RASSF9: variants seen among roughly 807,000 people sequenced by gnomAD.
RASSF9 encodes the protein Ras association domain family member 9.
Under a neutral mutation model 21.4 loss-of-function variants are expected in RASSF9, and 18 were observed. The ratio of observed to expected loss-of-function variants is 0.84; its 90% CI spans 0.58 to 1.25. RASSF9 has a LOEUF of 1.25. Among genes scored for constraint, RASSF9 ranks in the 50% most tolerant of loss-of-function variants. The pLI is 0.00. For missense variants in RASSF9, 480 were observed against 503.2 expected (o/e 0.95, Z 0.44); for synonymous variants, 183 against 179.1 (o/e 1.02, Z -0.18).
rs377164095 is a variant in RASSF9, at chr12:85,801,573, G to A, written c.*3129C>T. 1.7e-4 allele frequency: 26 copies of A among 152,464 alleles called. No individual in the cohort carries two copies. The highest frequency in any genetic ancestry group is 6.3e-4 in the African/African-American group (26 of 41,584). 9.4% of individuals were successfully genotyped at this position (152,464 alleles called of 1,614,324 possible). A position where few individuals can be genotyped will look rare whatever the true frequency, so the allele number is the denominator to read the frequency against. On this transcript the variant is annotated 3_prime_UTR_variant, in exon 2 of 2. Coordinates refer to ENST00000361228, the MANE Select transcript of RASSF9 (RefSeq NM_005447.4). ...CACGCCTGTAATCCCAGCACTTTGGGAGGCCAAGACGGGTGGATCACAAGG... is the reference window on the plus strand; with the variant it reads ...CACGCCTGTAATCCCAGCACTTTGGAAGGCCAAGACGGGTGGATCACAAGG...
rs114011685 is a variant in RASSF9 at position 85,809,317 on chromosome 12, T to C, written c.48-3355A>G. 3.8e-3 allele frequency among the ~76,000 whole-genome samples: 572 copies of C among 152,278 alleles called. 2 individuals are homozygous for C. Among genetic ancestry groups the C allele is most frequent in the African/African-American group, 0.013 (550 of 41,576 alleles). ...AGCAAGAACTTAAATTAGTCTTTGA[T>C]ACCAATGGAATGAACCACAGTGCCC... On this transcript the variant is annotated intron_variant, in intron 1 of 1. Transcript: ENST00000361228.
chr12:85,825,943 C>G lies in RASSF9; in HGVS notation c.47+10212G>C, dbSNP rs568532812. Among the ~76,000 whole-genome samples, 7 of 152,228 alleles carry G rather than the reference C, an allele frequency of 4.6e-5. No individual in the cohort carries two copies. The South Asian group carries it at 1.5e-3, about 32-fold the overall frequency. ...TGTGATTAATATAAGATTAGTCAGC[C>G]TGACAGCCCTGACTGGGAAACCAGT... is the stretch of plus-strand genomic sequence containing the variant. On this transcript the variant is annotated intron_variant, in intron 1 of 1. Coordinates refer to ENST00000361228, the MANE Select transcript of RASSF9 (RefSeq NM_005447.4).
intron 1 of RASSF9, among the ~76,000 whole-genome samples, chr12:85,824,999 C>CATTT (rs568305097): frequency 9.9e-5 from 15 of 152,004 alleles, no homozygotes; most frequent in East Asian, 3.9e-4. Flanking sequence ...AATGTGTGCT[C>CATTT]ATTTATTTAT....
Position 85,801,828 on chromosome 12 carries a change from A to T in RASSF9, c.*2874T>A, listed in dbSNP as rs1331741922. The T allele has an allele frequency of 6.6e-6, 1 of 152,122 alleles. No individual in the cohort carries two copies. The highest frequency in any genetic ancestry group is 1.9e-4 in the East Asian group (1 of 5,192). 9.4% of individuals were successfully genotyped at this position (152,122 alleles called of 1,614,324 possible). Reference sequence around the variant, plus strand: ...AGACTCCGTCTCAAGGAAAAAAAAAATAGAATTCATTGAAGGAGGGGAATT... The same window carrying T: ...AGACTCCGTCTCAAGGAAAAAAAAATTAGAATTCATTGAAGGAGGGGAATT... On this transcript the variant is annotated 3_prime_UTR_variant, in exon 2 of 2. Coordinates refer to ENST00000361228, the MANE Select transcript of RASSF9 (RefSeq NM_005447.4).
intron 1 of RASSF9, among the ~76,000 whole-genome samples, chr12:85,822,982 C>T (rs559147173): frequency 1.3e-5 from 2 of 152,188 alleles, no homozygotes; most frequent in South Asian, 4.2e-4. Flanking sequence ...GGGCGGATCA[C>T]GAGGTCAGGA....
chr12:85,826,378 T>C (rs892556095), intron 1 of RASSF9, among the ~76,000 whole-genome samples: 1 of 152,154 alleles, frequency 6.6e-6, no homozygotes, highest in Non-Finnish European at 1.5e-5. Context: ...TTCTTCTCTT[T>C]CTATTTAAGA....
chr12:85,809,791 G>A (rs1308496164), intron 1 of RASSF9, among the ~76,000 whole-genome samples: 2 of 151,732 alleles, frequency 1.3e-5, no homozygotes, highest in African/African-American at 4.8e-5. Flanking sequence ...TCAAATTCTT[G>A]TGTATTGTGG....
rs557732288 is a variant in RASSF9 at position 85,819,535 on chromosome 12, A to G, written c.48-13573T>C. Among the ~76,000 whole-genome samples, 5 of 152,326 alleles carry G rather than the reference A, an allele frequency of 3.3e-5. No individual in the cohort carries two copies. The East Asian group carries it at 7.7e-4, about 23-fold the overall frequency. The stretch of plus-strand genomic sequence containing the variant: ...ATGCTCTAAGTGCTTTACATGTTCA[A>G]ACCTATTTAATCCAAACCAATGAGG... On this transcript the variant is annotated intron_variant, in intron 1 of 1. Coordinates refer to ENST00000361228, the MANE Select transcript of RASSF9 (RefSeq NM_005447.4).
chr12:85,815,184 A>AG (rs1880034120), intron 1 of RASSF9, among the ~76,000 whole-genome samples: 1 of 151,906 alleles, frequency 6.6e-6, no homozygotes, highest in Admixed American at 6.6e-5. Flanking sequence ...AGAAAAAAAA[A>AG]CCAAAAACCT....
intron 1 of RASSF9, among the ~76,000 whole-genome samples, chr12:85,827,867 CAT>C (rs1880365615): frequency 6.6e-6 from 1 of 152,178 alleles, no homozygotes; most frequent in African/African-American, 2.4e-5. Flanking sequence ...GTCTAATTCA[CAT>C]ATTGTTTTTG....
intron 1 of RASSF9, among the ~76,000 whole-genome samples, chr12:85,807,628 T>G (rs1490315523): frequency 6.6e-6 from 1 of 151,564 alleles, no homozygotes; most frequent in East Asian, 1.9e-4. Flanking sequence ...GACAGATAGA[T>G]CCCCCCTACC....
chr12:85,818,345 G>A (rs1157280127), intron 1 of RASSF9, among the ~76,000 whole-genome samples: 1 of 152,196 alleles, frequency 6.6e-6, no homozygotes, highest in Non-Finnish European at 1.5e-5. Flanking sequence ...CAGCTAATAA[G>A]TGGAGTAAAA....
chr12:85,802,783 A>C lies in RASSF9; in HGVS notation c.*1919T>G, dbSNP rs376353321. The stretch of plus-strand genomic sequence containing the variant: ...TGATCTTCTGAATTTGATCCCCATT[A>C]GTGAACAATGAATATGTCAGTGGCT... On this transcript the variant is annotated 3_prime_UTR_variant, in exon 2 of 2. Transcript: ENST00000361228. 75 of 152,318 alleles carry C rather than the reference A, an allele frequency of 4.9e-4. No individual in the cohort carries two copies. The highest frequency in any genetic ancestry group is 1.7e-3 in the African/African-American group (69 of 41,582). The allele number at this position is 152,318 out of a possible 1,614,324, so 9.4% of individuals were successfully genotyped here. A position where few individuals can be genotyped will look rare whatever the true frequency, so the allele number is the denominator to read the frequency against.
rs1225978947 is a variant in RASSF9, at chr12:85,836,398, C to A, written c.-197G>T. The A allele has an allele frequency of 5.6e-6, 7 of 1,242,588 alleles. No homozygotes were observed. The highest frequency in any genetic ancestry group is 1.5e-5 in the South Asian group (1 of 64,560). The allele number at this position is 1,242,588 out of a possible 1,614,324, so 77.0% of individuals were successfully genotyped here. Reference sequence around the variant, plus strand: ...GCAACTGCTGCTTAACTTTGAACTGCGGGATTGTTGTGGCTGCTGCACCTC... The same window carrying A: ...GCAACTGCTGCTTAACTTTGAACTGAGGGATTGTTGTGGCTGCTGCACCTC... On this transcript the variant is annotated 5_prime_UTR_variant, in exon 1 of 2. Coordinates refer to ENST00000361228, the MANE Select transcript of RASSF9 (RefSeq NM_005447.4).
At chr12:85,806,672 C>CAAAAAAAAAAAAAAAAA (rs71076150) in intron 1 of RASSF9, among the ~76,000 whole-genome samples, 1 of 54,822 alleles carries the variant, frequency 1.8e-5, no homozygotes, top group African/African-American at 6.6e-5. Context: ...GACTCCATCT[C>CAAAAAAAAAAAAAAAAA]AAAAAAAAAA....
chr12:85,828,535 T>G (rs2136563095), intron 1 of RASSF9, among the ~76,000 whole-genome samples: 1 of 152,270 alleles, frequency 6.6e-6, no homozygotes, highest in South Asian at 2.1e-4. Context: ...GAGCATATTC[T>G]GTAAAACAAT....
rs542234680 is a variant in RASSF9 at position 85,818,219 on chromosome 12, C to T, written c.48-12257G>A. 2.0e-5 allele frequency among the ~76,000 whole-genome samples: 3 copies of T among 152,254 alleles called. No homozygotes were observed. In the South Asian group the frequency reaches 6.2e-4, roughly 32 times the overall value. On this transcript the variant is annotated intron_variant, in intron 1 of 1. Transcript: ENST00000361228. Reference sequence around the variant, plus strand: ...TAAATGTCAGCAAGTGTTGTAAATGCTTTATGCATATAAATTCACTTTTCA... The same window carrying T: ...TAAATGTCAGCAAGTGTTGTAAATGTTTTATGCATATAAATTCACTTTTCA...
At chr12:85,827,809 A>G (rs747329271) in intron 1 of RASSF9, among the ~76,000 whole-genome samples, 59 of 152,138 alleles carry the variant, frequency 3.9e-4, no homozygotes, top group South Asian at 2.1e-4. Context: ...ACCACTCTCC[A>G]CTACATGAAT....
chr12:85,832,493 A>G (rs1279368364), intron 1 of RASSF9, among the ~76,000 whole-genome samples: 1 of 151,884 alleles, frequency 6.6e-6, no homozygotes, highest in Non-Finnish European at 1.5e-5. Context: ...TTACCTTGAA[A>G]ACCTAATCTA....
Sources: gnomAD v4.1 joint callset for allele counts (sites outside exome capture counted in the v4.1 genomes callset) on GRCh38, gnomAD v4.1.1 for gene constraint, MANE v1.5 for transcripts, NCBI Gene and HGNC (gene_info 2026-07-23, HGNC 2026-07-21) for gene names.